LGR4: variants seen among roughly 807,000 people sequenced by gnomAD.
LGR4 encodes the protein leucine rich repeat containing G protein-coupled receptor 4.
Under a neutral mutation model 84.8 loss-of-function variants are expected in LGR4, and 44 were observed. That is an observed-to-expected ratio of 0.52 (90% confidence interval 0.41 to 0.67). The LOEUF (loss-of-function observed/expected upper bound fraction) is 0.67, where lower values mean the gene tolerates loss of function less well. Among genes scored for constraint, LGR4 ranks in the 30% least tolerant of loss-of-function variants. LGR4 has a pLI of 0.00. For missense variants in LGR4, 1,032 were observed against 1,131.4 expected, an observed-to-expected ratio of 0.91 and a Z score of 1.26; for synonymous variants, 429 against 434.3, an observed-to-expected ratio of 0.99 and a Z score of 0.15.
At chr11:27,460,760 CAT>C (rs1421992040) in intron 1 of LGR4, among the ~76,000 whole-genome samples, 5 of 152,156 alleles carry the variant, frequency 3.3e-5, no homozygotes, top group Non-Finnish European at 5.9e-5. Context: ...TGAAATATTC[CAT>C]ATGTTTTCTT....
At chr11:27,435,128 C>T (rs528209921) in intron 1 of LGR4, among the ~76,000 whole-genome samples, 3 of 151,990 alleles carry the variant, frequency 2.0e-5, no homozygotes, top group African/African-American at 7.2e-5. Flanking sequence ...TGAGATCAGG[C>T]GTTCGAGACC....
chr11:27,387,772 T>C (rs1357634916), intron 4 of LGR4, among the ~76,000 whole-genome samples: 4 of 152,216 alleles, frequency 2.6e-5, no homozygotes, highest in Non-Finnish European at 5.9e-5. Flanking sequence ...TTAAATTGTT[T>C]ATTTTATCAT....
chr11:27,392,401 A>G (rs1863301935), intron 3 of LGR4, 46 bp downstream of exon 3: 2 of 1,437,818 alleles, frequency 1.4e-6, no homozygotes, highest in South Asian at 2.6e-5. Flanking sequence ...CTACGCAGAA[A>G]GAAAATACAC....
Position 27,368,044 on chromosome 11 carries a change from C to G in LGR4, c.2679G>C (p.Glu893Asp). The change falls in exon 18 of 18, where the codon GAG (glutamate) becomes GAC (aspartate). Residue 893 changes from glutamate (E) to aspartate (D), a missense_variant. Coordinates refer to ENST00000379214, the MANE Select transcript of LGR4 (RefSeq NM_018490.5). ...ALAVASCQRP[E>D]GYWSDCGTQS... ...GTGTGCCACAGTCGGACCAGTAGCCCTCAGGTCTTTGGCAAGAAGCCACTG... is the reference window on the plus strand; with the variant it reads ...GTGTGCCACAGTCGGACCAGTAGCCGTCAGGTCTTTGGCAAGAAGCCACTG... The G allele has an allele frequency of 6.2e-7, 1 of 1,614,114 alleles. No individual in the cohort carries two copies. Among genetic ancestry groups the G allele is most frequent in the Non-Finnish European group, 8.5e-7 (1 of 1,180,016 alleles).
chr11:27,392,651 G>A, intron 2 of LGR4, 133 bp from the exon 3 acceptor site: 1 of 714,524 alleles, frequency 1.4e-6, no homozygotes, highest in Non-Finnish European at 2.2e-6. Context: ...CATTAAACGT[G>A]GACTTAAACC....
At chr11:27,408,142 A>G (rs566454488) in intron 2 of LGR4, among the ~76,000 whole-genome samples, 1 of 152,224 alleles carries the variant, frequency 6.6e-6, no homozygotes, top group South Asian at 2.1e-4. Context: ...TAAATATGTA[A>G]TTCAATTATT....
Position 27,452,042 on chromosome 11 carries a change from A to T in LGR4, c.185+20076T>A, listed in dbSNP as rs149967268. Among the ~76,000 whole-genome samples, 26 of 152,334 alleles carry T rather than the reference A, an allele frequency of 1.7e-4. No homozygotes were observed. In the East Asian group the frequency reaches 4.8e-3, roughly 28 times the overall value. On this transcript the variant is annotated intron_variant, in intron 1 of 17. Transcript: ENST00000379214. The stretch of plus-strand genomic sequence containing the variant: ...ATGGACACCCACGTAATCTTCCAAC[A>T]ATTGCTCAATAGCAAATTAAAACTG...
rs748806266 is a variant in LGR4 at position 27,367,514 on chromosome 11, T to C, written c.*353A>G. 6 of 162,876 alleles carry C rather than the reference T, an allele frequency of 3.7e-5. No homozygotes were observed. The highest frequency in any genetic ancestry group is 6.6e-5 in the Non-Finnish European group (5 of 75,212). 10.1% of individuals were successfully genotyped at this position (162,876 alleles called of 1,614,324 possible). A position where few individuals can be genotyped will look rare whatever the true frequency, so the allele number is the denominator to read the frequency against. On this transcript the variant is annotated 3_prime_UTR_variant, in exon 18 of 18. Transcript: ENST00000379214. ...TTTAAAATAGATTTTTAAAAAATAT[T>C]AACAGCTGTTCTTTATCTTGTGCTT...
chr11:27,423,585 G>T (rs1290176462), intron 1 of LGR4, among the ~76,000 whole-genome samples: 1 of 152,212 alleles, frequency 6.6e-6, no homozygotes, highest in Admixed American at 6.5e-5. Flanking sequence ...TAAGACAATA[G>T]ACATTGATAA....
At position 27,368,393 on chromosome 11, in the gene LGR4, A is replaced by G. The variant is rs1424540145; in HGVS notation, c.2330T>C (p.Ile777Thr). The G allele has an allele frequency of 6.2e-7, 1 of 1,614,174 alleles. No homozygotes were observed. Among genetic ancestry groups the G allele is most frequent in the East Asian group, 2.2e-5 (1 of 44,870 alleles). ...AACAGACTTCATTATTTCGGGGCTG[A>G]TAGAGATTGCAGTGATCAATGGTGC... Reference protein sequence around the residue: ...SFAPLITAISISPEIMKSVTL... With the variant: ...SFAPLITAISTSPEIMKSVTL... The change falls in exon 18 of 18, where the codon ATC (isoleucine) becomes ACC (threonine). Residue 777 changes from isoleucine to threonine, a missense_variant. Coordinates refer to ENST00000379214, the MANE Select transcript of LGR4 (RefSeq NM_018490.5).
At chr11:27,407,526 G>T (rs962470146) in intron 2 of LGR4, among the ~76,000 whole-genome samples, 1 of 151,980 alleles carries the variant, frequency 6.6e-6, no homozygotes, top group South Asian at 2.1e-4. Context: ...AAATGCAATA[G>T]AATATATTTT....
chr11:27,412,685 A>G, intron 2 of LGR4, 104 bp downstream of exon 2: 1 of 781,068 alleles, frequency 1.3e-6, no homozygotes, highest in Non-Finnish European at 2.3e-6. Context: ...AAATTAAGCT[A>G]TCAGAATGTC....
intron 2 of LGR4, among the ~76,000 whole-genome samples, chr11:27,410,786 C>T (rs965804858): frequency 9.2e-5 from 14 of 152,036 alleles, no homozygotes; most frequent in African/African-American, 2.9e-4. Context: ...AGAGAGTATA[C>T]GGACTTGATT....
In LGR4 at chr11:27,472,171, G is replaced by T; in HGVS notation, c.132C>A (p.Ser44=). ...CGGGCACGGCCGTCAGCCCCTTCCC[G>T]GAGCAGTCCACCCGACGGTCGCCGT... is the stretch of plus-strand genomic sequence containing the variant. The part of the protein sequence containing the change: ...SCDGDRRVDC[S]GKGLTAVPEG... The change falls in exon 1 of 18, where the codon TCC becomes TCA. Residue 44 remains serine, a synonymous_variant. Coordinates refer to ENST00000379214, the MANE Select transcript of LGR4 (RefSeq NM_018490.5). 7.1e-7 allele frequency: 1 copy of T among 1,410,606 alleles called. No homozygotes were observed. The highest frequency in any genetic ancestry group is 1.4e-5 in the South Asian group (1 of 71,126). The allele number at this position is 1,410,606 out of a possible 1,614,324, so 87.4% of individuals were successfully genotyped here.
At chr11:27,450,029 G>A (rs939879861) in intron 1 of LGR4, among the ~76,000 whole-genome samples, 2 of 152,156 alleles carry the variant, frequency 1.3e-5, no homozygotes, top group African/African-American at 2.4e-5. Flanking sequence ...CCTGAAAAAC[G>A]CTTTCGTTAA....
chr11:27,471,794 T>G (rs2133467983), intron 1 of LGR4: 1 of 201,000 alleles, frequency 5.0e-6, no homozygotes, highest in Non-Finnish European at 9.9e-6. Context: ...GGGCAAGCGT[T>G]TTTAGATTAC....
At chr11:27,381,170 C>T (rs1863085619) in intron 7 of LGR4, among the ~76,000 whole-genome samples, 1 of 152,114 alleles carries the variant, frequency 6.6e-6, no homozygotes, top group Non-Finnish European at 1.5e-5. Flanking sequence ...CACTGCTTAG[C>T]TTGGTATCTA....
chr11:27,410,014 C>T (rs1414753119), intron 2 of LGR4, among the ~76,000 whole-genome samples: 1 of 152,198 alleles, frequency 6.6e-6, no homozygotes, highest in African/African-American at 2.4e-5. Flanking sequence ...TCCACATCTG[C>T]ACTGTCTAAT....
intron 1 of LGR4, among the ~76,000 whole-genome samples, chr11:27,425,237 T>C (rs1864000487): frequency 6.6e-6 from 1 of 151,470 alleles, no homozygotes. Context: ...GATTGGAGGG[T>C]CAACTCAGAT....
Sources: allele counts gnomAD v4.1 joint callset (sites outside exome capture counted in the v4.1 genomes callset), GRCh38; gene constraint gnomAD v4.1.1; transcripts MANE v1.5; gene names NCBI Gene and HGNC (gene_info 2026-07-23, HGNC 2026-07-21).